The following GPR137C variants were observed in gnomAD, a reference collection of about 807,000 sequenced individuals.
GPR137C encodes integral membrane protein GPR137C.
In GPR137C, 27 loss-of-function variants were observed where a neutral mutation model predicts 43.4. That is an observed-to-expected ratio of 0.62 (90% CI 0.46 to 0.86). GPR137C has a LOEUF of 0.86. Ranked by LOEUF, GPR137C falls within the 40% of genes least tolerant of loss-of-function variation. The pLI is 0.00. For synonymous variants in GPR137C, 285 were observed against 226.9 expected (o/e 1.26, Z -2.30); for missense variants, 522 against 534.6 (o/e 0.98, Z 0.23).
chr14:52,615,770 T>C (rs1432175083), intron 3 of GPR137C, among the ~76,000 whole-genome samples: 3 of 152,228 alleles, frequency 2.0e-5, no homozygotes, highest in African/African-American at 7.2e-5. Flanking sequence ...CATTGTTGAC[T>C]GTTGGCATGT....
chr14:52,597,239 A>G (rs1217179699), intron 1 of GPR137C, among the ~76,000 whole-genome samples: 6 of 152,148 alleles, frequency 3.9e-5, no homozygotes, highest in African/African-American at 1.4e-4. Context: ...TTGTGATAGC[A>G]TATTTTGCAT....
intron 3 of GPR137C, among the ~76,000 whole-genome samples, chr14:52,602,966 C>T (rs1265934440): frequency 6.6e-6 from 1 of 152,148 alleles, no homozygotes; most frequent in African/African-American, 2.4e-5. Context: ...TGGAACATTA[C>T]AGTTCTTTCT....
chr14:52,598,380 G>A, intron 2 of GPR137C, 65 bp downstream of exon 2: 1 of 666,302 alleles, frequency 1.5e-6, no homozygotes, highest in Non-Finnish European at 2.5e-6. Flanking sequence ...TTAATATTAA[G>A]GCTTAGTATC....
chr14:52,597,910 A>G (rs1282594670), intron 1 of GPR137C, among the ~76,000 whole-genome samples: 3 of 152,242 alleles, frequency 2.0e-5, no homozygotes, highest in Admixed American at 2.0e-4. Context: ...TATTTAAGCA[A>G]GAAGTTCCAT....
chr14:52,595,895 G>A lies in GPR137C; in HGVS notation c.445-2377G>A, dbSNP rs142465625. ...TCTGCTATCCTTTGGAGGAGAAGAG[G>A]CAGTCTGGTTTTTGGAATTTTCAGC... is the stretch of plus-strand genomic sequence containing the variant. On this transcript the variant is annotated intron_variant, in intron 1 of 6. Transcript: ENST00000321662. Among the ~76,000 whole-genome samples, 64 of 152,252 alleles carry A rather than the reference G, an allele frequency of 4.2e-4. 1 individual carries two copies. In the East Asian group the frequency reaches 0.012, roughly 28 times the overall value.
intron 1 of GPR137C, among the ~76,000 whole-genome samples, chr14:52,592,563 A>C (rs138598625): frequency 3.6e-4 from 55 of 152,082 alleles, no homozygotes; most frequent in African/African-American, 1.3e-3. Context: ...TGTAAGTTGG[A>C]TTCTTAGGTA....
At chr14:52,605,536 A>G (rs2038974503) in intron 3 of GPR137C, among the ~76,000 whole-genome samples, 1 of 152,048 alleles carries the variant, frequency 6.6e-6, no homozygotes, top group South Asian at 2.1e-4. Context: ...GATGCCCTTT[A>G]TTTCTTTCTC....
chr14:52,619,818 T>C (rs2039140065), intron 3 of GPR137C, among the ~76,000 whole-genome samples: 1 of 152,172 alleles, frequency 6.6e-6, no homozygotes, highest in African/African-American at 2.4e-5. Context: ...GTAGGCCTTA[T>C]AATTATCAAG....
At chr14:52,578,417 T>C (rs1232642673) in intron 1 of GPR137C, among the ~76,000 whole-genome samples, 1 of 152,182 alleles carries the variant, frequency 6.6e-6, no homozygotes, top group Non-Finnish European at 1.5e-5. Flanking sequence ...CTTTTGACTT[T>C]TTAAAATTTC....
chr14:52,625,709 C>G (rs938178345), intron 3 of GPR137C, among the ~76,000 whole-genome samples: 2 of 151,514 alleles, frequency 1.3e-5, no homozygotes, highest in African/African-American at 4.8e-5. Flanking sequence ...CACCCGCCAC[C>G]ATGCCCGGCT....
Position 52,564,275 on chromosome 14 carries a change from A to AG in GPR137C, c.444+10684_444+10685insG, listed in dbSNP as rs1011158738. Among the ~76,000 whole-genome samples the AG allele has an allele frequency of 2.8e-4, 11 of 39,856 alleles. No homozygotes were observed. In the East Asian group the frequency reaches 0.012, roughly 42 times the overall value. The allele number at this position is 39,856 out of a possible 152,430, so 26.1% of individuals were successfully genotyped here. A position where few individuals can be genotyped will look rare whatever the true frequency, so the allele number is the denominator to read the frequency against. On this transcript the variant is annotated intron_variant, in intron 1 of 6. Coordinates refer to ENST00000321662, the MANE Select transcript of GPR137C (RefSeq NM_001099652.2). Reference sequence around the variant, plus strand: ...GGGCAACAGAGTGAGACTTCGTCTCAAAAAAAAAAAAAAAAAAGCCCCACT... The same window carrying AG: ...GGGCAACAGAGTGAGACTTCGTCTCAGAAAAAAAAAAAAAAAAAGCCCCACT...
chr14:52,605,728 A>G (rs1013306610), intron 3 of GPR137C, among the ~76,000 whole-genome samples: 1 of 152,004 alleles, frequency 6.6e-6, no homozygotes, highest in Non-Finnish European at 1.5e-5. Flanking sequence ...TCTGTACCCT[A>G]TTTTTTTACG....
chr14:52,564,874 G>A (rs2038342597), intron 1 of GPR137C, among the ~76,000 whole-genome samples: 1 of 151,928 alleles, frequency 6.6e-6, no homozygotes, highest in Admixed American at 6.5e-5. Context: ...TAATTTCACA[G>A]CAGAATTTGG....
chr14:52,604,164 C>T (rs575030958), intron 3 of GPR137C, among the ~76,000 whole-genome samples: 127 of 152,178 alleles, frequency 8.3e-4, no homozygotes, highest in African/African-American at 2.5e-3. Context: ...TTATTAATCC[C>T]TTGTTGAATG....
chr14:52,621,256 C>T (rs1005234566), intron 3 of GPR137C, among the ~76,000 whole-genome samples: 9 of 151,716 alleles, frequency 5.9e-5, no homozygotes, highest in South Asian at 2.1e-4. Flanking sequence ...GACACGGAAA[C>T]GGTATTTTTT....
chr14:52,612,650 C>T (rs530475229), intron 3 of GPR137C: 13 of 332,552 alleles, frequency 3.9e-5, no homozygotes, highest in Non-Finnish European at 5.6e-5. Flanking sequence ...TAACCTCAAA[C>T]TCCTGGGCTT....
At position 52,636,992 on chromosome 14, in the gene GPR137C, A is replaced by G. The variant is rs1413225216; in HGVS notation, c.*1877A>G. On this transcript the variant is annotated 3_prime_UTR_variant, in exon 7 of 7. Transcript: ENST00000321662. ...TTGTCTTTGTTAATCCTTGGGGTTC[A>G]AGGTGATAAAGTTTTTCTAGTAAGG... The G allele has an allele frequency of 6.6e-6, 1 of 152,134 alleles. No homozygotes were observed. Among genetic ancestry groups the G allele is most frequent in the Non-Finnish European group, 1.5e-5 (1 of 67,980 alleles). The allele number at this position is 152,134 out of a possible 1,614,324, so 9.4% of individuals were successfully genotyped here. A position where few individuals can be genotyped will look rare whatever the true frequency, so the allele number is the denominator to read the frequency against.
At chr14:52,578,378 T>C (rs998487047) in intron 1 of GPR137C, among the ~76,000 whole-genome samples, 4 of 152,170 alleles carry the variant, frequency 2.6e-5, no homozygotes, top group African/African-American at 9.6e-5. Flanking sequence ...TCTCTGCTTT[T>C]TGGGGGAGTT....
chr14:52,615,467 G>GTTTTTT (rs200188827), intron 3 of GPR137C, among the ~76,000 whole-genome samples: 1 of 140,388 alleles, frequency 7.1e-6, no homozygotes, highest in Non-Finnish European at 1.5e-5. Flanking sequence ...ACATTTTAGG[G>GTTTTTT]TTTTTTTTTT....
Sources: gnomAD v4.1 joint callset for allele counts (sites outside exome capture counted in the v4.1 genomes callset) on GRCh38, gnomAD v4.1.1 for gene constraint, MANE v1.5 for transcripts, NCBI Gene and HGNC (gene_info 2026-07-23, HGNC 2026-07-21) for gene names.